EIF4ENIF1: variants seen among roughly 807,000 people sequenced by gnomAD.
EIF4ENIF1 encodes eukaryotic translation initiation factor 4E transporter.
In EIF4ENIF1, 23 loss-of-function variants were observed where a neutral mutation model predicts 110.5. The ratio of observed to expected loss-of-function variants is 0.21; its 90% CI spans 0.15 to 0.29. EIF4ENIF1 has a LOEUF of 0.29. Ranked by LOEUF, EIF4ENIF1 falls within the 10% of genes least tolerant of loss-of-function variation. The pLI is 1.00. For missense variants in EIF4ENIF1, 1,031 were observed against 1,221.1 expected (o/e 0.84, Z 2.32); for synonymous variants, 440 against 437.0 (o/e 1.01, Z -0.09).
chr22:31,479,490 GAA>G (rs2051728983), intron 2 of EIF4ENIF1: 1 of 152,006 alleles, frequency 6.6e-6, no homozygotes, highest in African/African-American at 2.4e-5. Flanking sequence ...AAGCAAGCAT[GAA>G]AAGAGTTCTT....
chr22:31,458,901 A>G (rs2050908444), intron 6 of EIF4ENIF1, among the ~76,000 whole-genome samples: 2 of 148,804 alleles, frequency 1.3e-5, no homozygotes, highest in Middle Eastern at 6.9e-3. Context: ...TGGGAACTTC[A>G]TATTTTCTAT....
At chr22:31,443,597 G>T (rs1662521812) in intron 15 of EIF4ENIF1, among the ~76,000 whole-genome samples, 1 of 152,014 alleles carries the variant, frequency 6.6e-6, no homozygotes, top group Non-Finnish European at 1.5e-5. Flanking sequence ...TTATGCATTT[G>T]CCTTTTCTCA....
chr22:31,490,889 T>C (rs2052254278), upstream of EIF4ENIF1, among the ~76,000 whole-genome samples: 1 of 152,230 alleles, frequency 6.6e-6, no homozygotes, highest in Admixed American at 6.5e-5. Flanking sequence ...AGGCCTACTT[T>C]GTTGGAACTT....
At chr22:31,487,129 T>C (rs1408599575) in intron 2 of EIF4ENIF1, among the ~76,000 whole-genome samples, 1 of 152,106 alleles carries the variant, frequency 6.6e-6, no homozygotes, top group African/African-American at 2.4e-5. Flanking sequence ...TTTTCTCCAT[T>C]CAGAATTCAC....
Position 31,454,014 on chromosome 22 carries a change from TCAAGGA to T in EIF4ENIF1, c.1512+124_1512+129del. ...AATAATTAAGGAACACACAAAAGCA[TCAAGGA>T]CCAAATGACTACTAAAGAATTTCCA... On this transcript the variant is annotated intron_variant, in intron 10 of 18. Coordinates refer to ENST00000330125, the MANE Select transcript of EIF4ENIF1 (RefSeq NM_019843.4). The T allele has an allele frequency of 5.2e-6, 4 of 765,734 alleles. No homozygotes were observed. The South Asian group carries it at 7.5e-5, about 14-fold the overall frequency. The allele number at this position is 765,734 out of a possible 1,614,324, so 47.4% of individuals were successfully genotyped here. A position where few individuals can be genotyped will look rare whatever the true frequency, so the allele number is the denominator to read the frequency against.
At position 31,440,877 on chromosome 22, in the gene EIF4ENIF1, C is replaced by A; in HGVS notation, c.2552-9G>T. The A allele has an allele frequency of 6.2e-7, 1 of 1,613,620 alleles. No individual in the cohort carries two copies. The stretch of plus-strand genomic sequence containing the variant: ...CCCAGGAGGAAGCACACCTGTTGAG[C>A]AGAAAAAGCAAGCAGCTGAGTAGTC... On this transcript the variant is annotated splice_polypyrimidine_tract_variant and intron_variant, in intron 17 of 18. Transcript: ENST00000330125.
intron 4 of EIF4ENIF1, among the ~76,000 whole-genome samples, chr22:31,464,675 C>CAAAAAAAAAAAAAAAAAAAAAAAAA: frequency 3.2e-5 from 1 of 30,918 alleles, no homozygotes; most frequent in Non-Finnish European, 5.1e-5. Flanking sequence ...GATTCAGTCT[C>CAAAAAAAAAAAAAAAAAAAAAAAAA]AAAAAAAAAA....
chr22:31,473,886 T>C (rs1250614464), intron 2 of EIF4ENIF1, among the ~76,000 whole-genome samples: 1 of 152,170 alleles, frequency 6.6e-6, no homozygotes. Flanking sequence ...CCACTAAAGT[T>C]AGCATCCATT....
intron 2 of EIF4ENIF1, among the ~76,000 whole-genome samples, chr22:31,486,915 T>C (rs1329445720): frequency 1.8e-4 from 16 of 89,008 alleles, no homozygotes; most frequent in Non-Finnish European, 7.0e-5. Flanking sequence ...ACCCCGTCTC[T>C]ACTATAAAAA....
chr22:31,439,738 C>T lies in EIF4ENIF1; in HGVS notation c.*142G>A. ...TAAGATCCTTCCATCATAATGCGGA[C>T]CACACCAGATGCATGGGTTCCACCA... is the stretch of plus-strand genomic sequence containing the variant. On this transcript the variant is annotated 3_prime_UTR_variant, in exon 19 of 19. Transcript: ENST00000330125. 1 of 1,209,076 alleles carries T rather than the reference C, an allele frequency of 8.3e-7. No individual in the cohort carries two copies. The highest frequency in any genetic ancestry group is 1.1e-6 in the Non-Finnish European group (1 of 885,098). The allele number at this position is 1,209,076 out of a possible 1,614,324, so 74.9% of individuals were successfully genotyped here.
chr22:31,449,857 A>C (rs2145925046), intron 11 of EIF4ENIF1, among the ~76,000 whole-genome samples: 1 of 151,974 alleles, frequency 6.6e-6, no homozygotes, highest in Admixed American at 6.5e-5. Flanking sequence ...CAGCCTCCTA[A>C]GGAGTTGGGA....
At position 31,442,030 on chromosome 22, in the gene EIF4ENIF1, A is replaced by G. The variant is rs1455482552; in HGVS notation, c.2295T>C (p.Ser765=). Residue 765 remains serine, a synonymous_variant, in exon 17 of 19, where the codon TCT becomes TCC. Transcript: ENST00000330125. ...TNSKLSALQR[S]SCSTPLSQAN... is the part of the protein sequence containing the mutation. Reference sequence around the variant, plus strand: ...CCTGGGACAGTGGGGTGGAACACGAAGACCTCTGTAATGCTGACAGTTTGG... The same window carrying G: ...CCTGGGACAGTGGGGTGGAACACGAGGACCTCTGTAATGCTGACAGTTTGG... 2 of 1,614,076 alleles carry G rather than the reference A, an allele frequency of 1.2e-6. No individual in the cohort carries two copies. The highest frequency in any genetic ancestry group is 1.7e-6 in the Non-Finnish European group (2 of 1,180,048).
In EIF4ENIF1 at chr22:31,449,539, C is replaced by G. The variant is rs898785472; in HGVS notation, c.1585-8G>C. 1 of 1,607,552 alleles carries G rather than the reference C, an allele frequency of 6.2e-7. No homozygotes were observed. The highest frequency in any genetic ancestry group is 1.7e-5 in the Admixed American group (1 of 58,080). ...TGGTTGACCCAGAAGTTCCTAAAGG[C>G]AGAAAAGCCAAATCCCTGTGAACTT... On this transcript the variant is annotated splice_polypyrimidine_tract_variant and splice_region_variant and intron_variant, in intron 11 of 18. Coordinates refer to ENST00000330125, the MANE Select transcript of EIF4ENIF1 (RefSeq NM_019843.4).
chr22:31,450,793 CAT>C (rs1340886923), intron 10 of EIF4ENIF1: 10 of 216,810 alleles, frequency 4.6e-5, no homozygotes, highest in Admixed American at 3.2e-4. Context: ...CACATATACA[CAT>C]ATACATACAC....
intron 7 of EIF4ENIF1, among the ~76,000 whole-genome samples, chr22:31,456,427 G>C (rs529125618): frequency 1.3e-5 from 2 of 151,814 alleles, no homozygotes; most frequent in Non-Finnish European, 2.9e-5. Context: ...GTTTTACCGT[G>C]TTAGCCAGGA....
chr22:31,449,554 C>T (rs949158731), intron 11 of EIF4ENIF1, 23 bp from the exon 12 acceptor site: 2 of 1,601,478 alleles, frequency 1.2e-6, no homozygotes, highest in Non-Finnish European at 1.7e-6. Flanking sequence ...AAGCCAAATC[C>T]CTGTGAACTT....
chr22:31,455,875 T>C lies in EIF4ENIF1; in HGVS notation c.1076A>G (p.His359Arg), dbSNP rs1281868361. Residue 359 changes from histidine to arginine, a missense_variant, in exon 8 of 19, where the codon CAT (histidine) becomes CGT (arginine). Transcript: ENST00000330125. Reference protein sequence around the residue: ...SRSSSLGSTPHEELERLAGLE... With the variant: ...SRSSSLGSTPREELERLAGLE... The stretch of plus-strand genomic sequence containing the variant: ...ACCTGCAAGTCTCTCTAGCTCTTCA[T>C]GTGGTGTTGACCCAAGACTGCTGGA... The C allele has an allele frequency of 4.3e-6, 7 of 1,614,098 alleles. No individual in the cohort carries two copies. The highest frequency in any genetic ancestry group is 5.9e-6 in the Non-Finnish European group (7 of 1,180,036).
chr22:31,481,032 C>T lies in EIF4ENIF1; in HGVS notation c.96+7591G>A, dbSNP rs537098934. Reference sequence around the variant, plus strand: ...GAGCCAAGATCGTGCAAGACTCTGTCTCAACAATAACAAAAAAGGAACGGG... The same window carrying T: ...GAGCCAAGATCGTGCAAGACTCTGTTTCAACAATAACAAAAAAGGAACGGG... On this transcript the variant is annotated intron_variant, in intron 2 of 18. Transcript: ENST00000330125. Among the ~76,000 whole-genome samples, 452 of 152,304 alleles carry T rather than the reference C, an allele frequency of 3.0e-3. 1 individual carries two copies. The highest frequency in any genetic ancestry group is 4.8e-3 in the Non-Finnish European group (326 of 68,032).
chr22:31,478,194 G>C (rs2051662644), intron 2 of EIF4ENIF1, among the ~76,000 whole-genome samples: 1 of 152,264 alleles, frequency 6.6e-6, no homozygotes, highest in South Asian at 2.1e-4. Context: ...CTACTTAAGT[G>C]GGGAAGAGAG....
Sources: gnomAD v4.1 joint callset for allele counts (sites outside exome capture counted in the v4.1 genomes callset) on GRCh38, gnomAD v4.1.1 for gene constraint, MANE v1.5 for transcripts, NCBI Gene and HGNC (gene_info 2026-07-23, HGNC 2026-07-21) for gene names.